LPIN1: variants seen among roughly 807,000 people sequenced by gnomAD.
LPIN1 encodes the protein lipin 1, also known as phosphatidate phosphatase LPIN1.
In LPIN1, 71 loss-of-function variants were observed where a neutral mutation model predicts 107.5. The observed-to-expected ratio is 0.66, with a 90% CI of 0.55 to 0.80. The LOEUF (loss-of-function observed/expected upper bound fraction) is 0.80, where lower values mean the gene tolerates loss of function less well. Among genes scored for constraint, LPIN1 ranks in the 30% least tolerant of loss-of-function variants. The pLI is 0.00. For synonymous variants in LPIN1, 445 were observed against 452.6 expected, an observed-to-expected ratio of 0.98 and a Z score of 0.21; for missense variants, 1,043 against 1,160.6, an observed-to-expected ratio of 0.90 and a Z score of 1.47.
At chr2:11,820,663 T>C (rs1681357539) in intron 20 of LPIN1, 149 bp downstream of exon 20, 1 of 639,242 alleles carries the variant, frequency 1.6e-6, no homozygotes, top group Non-Finnish European at 2.8e-6. Context: ...TAACTCCTTG[T>C]ATTTTGTCCA....
intron 17 of LPIN1, among the ~76,000 whole-genome samples, chr2:11,807,696 G>A (rs776744335): frequency 7.9e-5 from 12 of 152,138 alleles, no homozygotes; most frequent in African/African-American, 1.2e-4. Context: ...ATGATGTGAC[G>A]TGGAGACCCA....
chr2:11,724,606 T>C (rs1664413194), intron 1 of LPIN1: 1 of 985,392 alleles, frequency 1.0e-6, no homozygotes, highest in Non-Finnish European at 1.2e-6. Context: ...CAATGTGCCT[T>C]CTGATGGGGA....
At chr2:11,677,792 G>A (rs1444516316) in intron 1 of LPIN1, 5 of 1,379,282 alleles carry the variant, frequency 3.6e-6, no homozygotes, top group East Asian at 2.5e-5. Flanking sequence ...CCATCCCCAG[G>A]TGCCCGCGTA....
At chr2:11,795,579 A>G (rs1676559499) in intron 14 of LPIN1, 92 bp downstream of exon 14, 2 of 1,128,110 alleles carry the variant, frequency 1.8e-6, no homozygotes, top group African/African-American at 3.1e-5. Context: ...GGTTCACCAC[A>G]CAGTTCCAAC....
At position 11,790,856 on chromosome 2, in the gene LPIN1, C is replaced by T. The variant is rs143572812; in HGVS notation, c.1714-1058C>T. On this transcript the variant is annotated intron_variant, in intron 12 of 20. Coordinates refer to ENST00000674199, the MANE Select transcript of LPIN1 (RefSeq NM_001349206.2). The stretch of plus-strand genomic sequence containing the variant: ...TACCCAGTAGTGCTTGTTCTACTTA[C>T]TACTCTTCTGCCTGAGAATTTTCTG... 1.5e-4 allele frequency among the ~76,000 whole-genome samples: 23 copies of T among 152,308 alleles called. No individual in the cohort carries two copies. In the East Asian group the frequency reaches 4.4e-3, roughly 29 times the overall value.
At chr2:11,776,764 G>A (rs777523352) in intron 6 of LPIN1, among the ~76,000 whole-genome samples, 2 of 152,178 alleles carry the variant, frequency 1.3e-5, no homozygotes, top group East Asian at 1.9e-4. Context: ...GTGTTCACTC[G>A]ATGTAGTCAT....
At position 11,731,842 on chromosome 2, in the gene LPIN1, CAT is replaced by C. The variant is rs1167564360; in HGVS notation, c.-72+7306_-72+7307del. Reference sequence around the variant, plus strand: ...CCAGTGATGATGAGTTTTTTTTTTTCATATGTTTGTTGGCTGCATACATGTCT... The same window carrying C: ...CCAGTGATGATGAGTTTTTTTTTTTCATGTTTGTTGGCTGCATACATGTCT... On this transcript the variant is annotated intron_variant, in intron 1 of 21. Transcript: ENST00000396097. Among the ~76,000 whole-genome samples, 6 of 118,212 alleles carry C rather than the reference CAT, an allele frequency of 5.1e-5. No individual in the cohort carries two copies. The East Asian group carries it at 1.3e-3, about 25-fold the overall frequency. The allele number at this position is 118,212 out of a possible 152,430, so 77.6% of individuals were successfully genotyped here. A position where few individuals can be genotyped will look rare whatever the true frequency, so the allele number is the denominator to read the frequency against.
At chr2:11,769,938 T>C (rs1671579582) in intron 3 of LPIN1, among the ~76,000 whole-genome samples, 1 of 152,214 alleles carries the variant, frequency 6.6e-6, no homozygotes, top group African/African-American at 2.4e-5. Context: ...ACAGCCTCCA[T>C]CCTGCCCGCC....
At chr2:11,703,456 A>G (rs1449324101) in intron 1 of LPIN1, among the ~76,000 whole-genome samples, 3 of 152,238 alleles carry the variant, frequency 2.0e-5, no homozygotes, top group African/African-American at 7.2e-5. Flanking sequence ...CTCCTTGTAT[A>G]GACACATATA....
intron 1 of LPIN1, chr2:11,764,423 A>T (rs1258485451): frequency 6.6e-6 from 1 of 152,298 alleles, no homozygotes; most frequent in Admixed American, 6.5e-5. Context: ...CTGGGATTAT[A>T]GGCATGAGCT....
intron 1 of LPIN1, among the ~76,000 whole-genome samples, chr2:11,695,066 C>T (rs906362815): frequency 7.9e-5 from 12 of 152,294 alleles, no homozygotes; most frequent in Non-Finnish European, 1.0e-4. Context: ...TCAATTCAGT[C>T]GCTGCAGAAT....
At chr2:11,727,930 G>A (rs1664821088) in intron 1 of LPIN1, among the ~76,000 whole-genome samples, 1 of 152,182 alleles carries the variant, frequency 6.6e-6, no homozygotes, top group African/African-American at 2.4e-5. Context: ...GATGCGGAGG[G>A]CTGACTTTTT....
intron 11 of LPIN1, among the ~76,000 whole-genome samples, chr2:11,788,152 A>G (rs562687524): frequency 6.6e-5 from 10 of 152,076 alleles, no homozygotes; most frequent in African/African-American, 2.4e-4. Flanking sequence ...GGCATGTCCA[A>G]CTGTCTGCCC....
intron 2 of LPIN1, among the ~76,000 whole-genome samples, chr2:11,766,647 G>A (rs879399836): frequency 1.3e-5 from 2 of 152,202 alleles, no homozygotes; most frequent in Middle Eastern, 3.2e-3. Flanking sequence ...CACCAGCCAA[G>A]GGTGGAGTTT....
chr2:11,734,237 G>A (rs1665559736), intron 1 of LPIN1, among the ~76,000 whole-genome samples: 1 of 151,910 alleles, frequency 6.6e-6, no homozygotes, highest in South Asian at 2.1e-4. Flanking sequence ...GGAACACATA[G>A]GATGAGGGAT....
chr2:11,778,138 G>GT (rs112852830), intron 6 of LPIN1, among the ~76,000 whole-genome samples: 84,721 of 151,688 alleles, frequency 0.56, 24,431 homozygotes, highest in African/African-American at 0.67. Flanking sequence ...ACATGGACGT[G>GT]GGGGGGCCCA....
intron 17 of LPIN1, among the ~76,000 whole-genome samples, chr2:11,814,062 G>C (rs865960655): frequency 6.6e-6 from 1 of 152,192 alleles, no homozygotes; most frequent in African/African-American, 2.4e-5. Context: ...AGTGTGGGGG[G>C]TGTGGAGAAA....
intron 1 of LPIN1, among the ~76,000 whole-genome samples, chr2:11,693,824 T>TA (rs1662433242): frequency 2.2e-5 from 1 of 45,964 alleles, no homozygotes; most frequent in African/African-American, 1.4e-4. Flanking sequence ...ATATATATAT[T>TA]TTTTTTTTTT....
At chr2:11,753,369 G>A (rs980865742) in intron 1 of LPIN1, among the ~76,000 whole-genome samples, 5 of 152,180 alleles carry the variant, frequency 3.3e-5, no homozygotes, top group African/African-American at 1.2e-4. Context: ...TATTTTGGAC[G>A]GGAATGTCTC....
Sources: allele counts gnomAD v4.1 joint callset (sites outside exome capture counted in the v4.1 genomes callset), GRCh38; gene constraint gnomAD v4.1.1; transcripts MANE v1.5; gene names NCBI Gene and HGNC (gene_info 2026-07-23, HGNC 2026-07-21).